Variants in RNF13 observed in about 807,000 individuals in gnomAD.
RNF13 encodes E3 ubiquitin-protein ligase RNF13.
A neutral mutation model predicts 37.7 loss-of-function variants in RNF13; 19 were observed. The ratio of observed to expected loss-of-function variants is 0.50; its 90% CI spans 0.35 to 0.74. The LOEUF is 0.74. Among genes scored for constraint, RNF13 ranks in the 30% least tolerant of loss-of-function variants. The probability of loss-of-function intolerance (pLI) is 0.01; values close to 1 mark genes in which losing one functional copy is unlikely to be tolerated. For synonymous variants in RNF13, 144 were observed against 157.8 expected (o/e 0.91, Z 0.65); for missense variants, 375 against 453.0 (o/e 0.83, Z 1.56).
intron 4 of RNF13, among the ~76,000 whole-genome samples, chr3:149,885,865 A>G (rs1027621857): frequency 6.6e-6 from 1 of 152,094 alleles, no homozygotes; most frequent in Admixed American, 6.6e-5. Context: ...ATAATTTGAG[A>G]TGTTAAATTT....
chr3:149,873,810 C>T (rs1251570011), intron 4 of RNF13, among the ~76,000 whole-genome samples: 1 of 152,092 alleles, frequency 6.6e-6, no homozygotes. Flanking sequence ...TCCTTCATTG[C>T]TTTTTATCAC....
chr3:149,946,710 A>T (rs1454253484), intron 8 of RNF13, among the ~76,000 whole-genome samples: 1 of 152,066 alleles, frequency 6.6e-6, no homozygotes, highest in East Asian at 1.9e-4. Flanking sequence ...CATTTTAGTT[A>T]TTGCAGCTAA....
chr3:149,907,392 C>T (rs538421936), intron 6 of RNF13, among the ~76,000 whole-genome samples: 1 of 152,132 alleles, frequency 6.6e-6, no homozygotes, highest in Non-Finnish European at 1.5e-5. Flanking sequence ...ATGAAGTATT[C>T]ATCAATTATT....
intron 8 of RNF13, among the ~76,000 whole-genome samples, chr3:149,951,315 A>G (rs1213808804): frequency 6.6e-6 from 1 of 152,252 alleles, no homozygotes; most frequent in Non-Finnish European, 1.5e-5. Context: ...CAGAAGGCCC[A>G]CAAAGCAGTG....
chr3:149,889,292 C>CGTGTGCGTGT (rs1553761928), intron 4 of RNF13, among the ~76,000 whole-genome samples: 2 of 138,122 alleles, frequency 1.4e-5, no homozygotes, highest in Non-Finnish European at 3.1e-5. Flanking sequence ...TTTGAGTGTG[C>CGTGTGCGTGT]GTGTGTGTGT....
At chr3:149,872,728 G>A (rs762804663) in intron 4 of RNF13, among the ~76,000 whole-genome samples, 2 of 152,208 alleles carry the variant, frequency 1.3e-5, no homozygotes, top group Non-Finnish European at 2.9e-5. Flanking sequence ...TCAGAGCTGA[G>A]TGTCATATAG....
chr3:149,853,819 T>G (rs900311154), intron 3 of RNF13, among the ~76,000 whole-genome samples: 15 of 151,330 alleles, frequency 9.9e-5, no homozygotes, highest in Non-Finnish European at 1.8e-4. Context: ...TTATTCTAAT[T>G]TTCTTAAAAT....
At chr3:149,958,883 G>C (rs1172507494) in intron 8 of RNF13, among the ~76,000 whole-genome samples, 5 of 152,076 alleles carry the variant, frequency 3.3e-5, no homozygotes, top group Admixed American at 3.3e-4. Flanking sequence ...CAAGGTAATG[G>C]ACAAAACTTA....
chr3:149,939,806 G>C (rs1270152574), intron 8 of RNF13: 5 of 564,490 alleles, frequency 8.9e-6, no homozygotes, highest in Admixed American at 5.8e-5. Flanking sequence ...ATGGGGTGGT[G>C]ACACGCACTT....
chr3:149,926,266 G>A (rs1384333539), intron 8 of RNF13, among the ~76,000 whole-genome samples: 1 of 152,058 alleles, frequency 6.6e-6, no homozygotes, highest in Non-Finnish European at 1.5e-5. Flanking sequence ...GGCTGGAGTG[G>A]AGTGGTGTGA....
chr3:149,841,970 G>T (rs546299380), intron 1 of RNF13, among the ~76,000 whole-genome samples: 1 of 152,130 alleles, frequency 6.6e-6, no homozygotes, highest in Non-Finnish European at 1.5e-5. Flanking sequence ...ACCCTCTTGC[G>T]CCTTCTCCAA....
chr3:149,817,264 A>G (rs892718962), intron 1 of RNF13: 3 of 152,212 alleles, frequency 2.0e-5, no homozygotes, highest in African/African-American at 4.8e-5. Context: ...CTCAATGAAG[A>G]TGCACCCATT....
intron 4 of RNF13, among the ~76,000 whole-genome samples, chr3:149,892,565 T>C (rs1714825821): frequency 1.3e-5 from 2 of 152,166 alleles, no homozygotes; most frequent in Non-Finnish European, 2.9e-5. Flanking sequence ...ATGGGCCGCA[T>C]GGCAGGAGGT....
intron 8 of RNF13, among the ~76,000 whole-genome samples, chr3:149,923,620 G>A (rs988828756): frequency 1.3e-5 from 2 of 151,872 alleles, no homozygotes; most frequent in East Asian, 1.9e-4. Context: ...AAAAAAATTA[G>A]CCGGGTGTGG....
intron 2 of RNF13, among the ~76,000 whole-genome samples, chr3:149,852,171 C>T (rs1175576392): frequency 6.6e-6 from 1 of 151,980 alleles, no homozygotes; most frequent in Non-Finnish European, 1.5e-5. Context: ...CTTTATAATA[C>T]AGAGAAATTA....
chr3:149,914,976 A>G (rs1448178296), intron 7 of RNF13, among the ~76,000 whole-genome samples: 1 of 151,982 alleles, frequency 6.6e-6, no homozygotes, highest in Non-Finnish European at 1.5e-5. Flanking sequence ...ATGGATGTCT[A>G]TTGTTGTACC....
At position 149,921,206 on chromosome 3, in the gene RNF13, C is replaced by G. The variant is rs1718088824; in HGVS notation, c.679C>G (p.Pro227Ala). 1 of 1,409,462 alleles carries G rather than the reference C, an allele frequency of 7.1e-7. No individual in the cohort carries two copies. The highest frequency in any genetic ancestry group is 2.2e-5 in the Admixed American group (1 of 44,806). 87.3% of individuals were successfully genotyped at this position (1,409,462 alleles called of 1,614,324 possible). ...RLRKDQLKKL[P>A]VHKFKKGDEY... Reference sequence around the variant, plus strand: ...TCGTAAAGATCAACTTAAGAAACTTCCTGTACATAAATTCAAGAAAGGTAA... The same window carrying G: ...TCGTAAAGATCAACTTAAGAAACTTGCTGTACATAAATTCAAGAAAGGTAA... Residue 227 changes from proline (P) to alanine (A), a missense_variant, in exon 8 of 10, where the codon CCT becomes GCT. Physicochemically the swap from Pro to Ala is conservative, Grantham distance 27 (BLOSUM62 -1). Transcript: ENST00000392894.
intron 4 of RNF13, among the ~76,000 whole-genome samples, chr3:149,891,540 TG>T (rs542129277): frequency 3.9e-5 from 6 of 152,212 alleles, no homozygotes; most frequent in Non-Finnish European, 8.8e-5. Flanking sequence ...TTAAACCTCT[TG>T]GTTAGGTGCC....
At chr3:149,869,576 A>T (rs1428529251) in intron 3 of RNF13, among the ~76,000 whole-genome samples, 1 of 151,568 alleles carries the variant, frequency 6.6e-6, no homozygotes, top group Non-Finnish European at 1.5e-5. Flanking sequence ...ACTGCACTCC[A>T]GCCTGGGCGA....
Sources: allele counts gnomAD v4.1 joint callset (sites outside exome capture counted in the v4.1 genomes callset), GRCh38; gene constraint gnomAD v4.1.1; transcripts MANE v1.5; gene names NCBI Gene and HGNC (gene_info 2026-07-23, HGNC 2026-07-21).